WWOX: variants seen among roughly 807,000 people sequenced by gnomAD.
WWOX encodes the protein WW domain-containing oxidoreductase.
In WWOX, 69 loss-of-function variants were observed where a neutral mutation model predicts 46.2. The ratio of observed to expected loss-of-function variants is 1.49; its 90% CI spans 1.23 to 1.82. The LOEUF is 1.82. Ranked by LOEUF, WWOX falls within the 40% of genes most tolerant of loss-of-function variation. WWOX has a pLI of 0.00. For synonymous variants in WWOX, 359 were observed against 202.6 expected (o/e 1.77, Z -6.56); for missense variants, 919 against 542.6 (o/e 1.69, Z -6.89).
At chr16:78,966,306 T>C (rs1169672941) in intron 8 of WWOX, among the ~76,000 whole-genome samples, 2 of 152,176 alleles carry the variant, frequency 1.3e-5, no homozygotes, top group African/African-American at 4.8e-5. Context: ...CTGTTTCAGA[T>C]GGAACCAAAT....
intron 5 of WWOX, among the ~76,000 whole-genome samples, chr16:78,310,750 C>G (rs1223633391): frequency 1.3e-5 from 2 of 152,220 alleles, no homozygotes; most frequent in African/African-American, 4.8e-5. Flanking sequence ...GAGTTTTACT[C>G]ACCTTTGCTT....
chr16:78,319,678 G>A (rs2080425310), intron 5 of WWOX, among the ~76,000 whole-genome samples: 1 of 152,100 alleles, frequency 6.6e-6, no homozygotes. Flanking sequence ...AAAAATAAAC[G>A]TTCTATGCCA....
At chr16:78,330,957 T>TA (rs1265724769) in intron 5 of WWOX, among the ~76,000 whole-genome samples, 2 of 152,228 alleles carry the variant, frequency 1.3e-5, no homozygotes, top group Non-Finnish European at 2.9e-5. Flanking sequence ...ACAAATAATC[T>TA]AGTCTTTTCT....
intron 8 of WWOX, among the ~76,000 whole-genome samples, chr16:78,889,391 C>T (rs1390710579): frequency 8.0e-6 from 1 of 125,454 alleles, no homozygotes; most frequent in Non-Finnish European, 1.6e-5. Flanking sequence ...CAGCCTAAAC[C>T]CTGCAAACTG....
intron 8 of WWOX, among the ~76,000 whole-genome samples, chr16:78,567,029 G>C (rs2044586061): frequency 1.3e-5 from 2 of 151,796 alleles, no homozygotes; most frequent in Admixed American, 6.6e-5. Flanking sequence ...TGAGGCTGAA[G>C]TCATACATTC....
intron 8 of WWOX, among the ~76,000 whole-genome samples, chr16:79,046,408 A>G (rs1238799883): frequency 6.6e-6 from 1 of 152,104 alleles, no homozygotes; most frequent in Non-Finnish European, 1.5e-5. Context: ...CAAAAGTATC[A>G]CAGACTGGAT....
At chr16:78,974,608 C>G (rs1338346581) in intron 8 of WWOX, among the ~76,000 whole-genome samples, 1 of 152,162 alleles carries the variant, frequency 6.6e-6, no homozygotes, top group African/African-American at 2.4e-5. Context: ...TTATTTAGCA[C>G]AAACCTAAAT....
intron 8 of WWOX, among the ~76,000 whole-genome samples, chr16:78,528,984 G>A (rs2043553707): frequency 6.8e-6 from 1 of 146,236 alleles, no homozygotes; most frequent in Admixed American, 6.9e-5. Context: ...GGGAGGGTCT[G>A]GCTGTATTGC....
intron 8 of WWOX, among the ~76,000 whole-genome samples, chr16:79,020,350 A>T (rs766712337): frequency 2.5e-4 from 38 of 152,206 alleles, no homozygotes; most frequent in Non-Finnish European, 4.6e-4. Context: ...TCTTAAGTCC[A>T]ACCAGTGGTT....
At chr16:78,240,707 G>GAA (rs2037614658) in intron 5 of WWOX, among the ~76,000 whole-genome samples, 3 of 152,134 alleles carry the variant, frequency 2.0e-5, no homozygotes, top group African/African-American at 7.2e-5. Flanking sequence ...CAGCCGTCTC[G>GAA]TGTTATGCAT....
At chr16:78,513,826 G>A (rs140062849) in intron 8 of WWOX, among the ~76,000 whole-genome samples, 1,749 of 151,862 alleles carry the variant, frequency 0.012, 32 homozygotes, top group Middle Eastern at 0.041. Context: ...TACACGTCTT[G>A]GAATCAACCT....
intron 5 of WWOX, among the ~76,000 whole-genome samples, chr16:78,307,610 G>T (rs1479218435): frequency 1.3e-5 from 2 of 152,182 alleles, no homozygotes; most frequent in Non-Finnish European, 2.9e-5. Context: ...ACCCAGTGAG[G>T]TTGATTTTGG....
intron 8 of WWOX, among the ~76,000 whole-genome samples, chr16:78,925,748 G>T (rs1274262962): frequency 6.6e-6 from 1 of 152,174 alleles, no homozygotes; most frequent in Non-Finnish European, 1.5e-5. Context: ...TCTCTCTAAG[G>T]GTGAAGATGC....
intron 5 of WWOX, among the ~76,000 whole-genome samples, chr16:78,179,219 T>C (rs16947234): frequency 0.15 from 22,543 of 152,278 alleles, 2,030 homozygotes; most frequent in East Asian, 0.23. Flanking sequence ...TAGCCTTTGC[T>C]TTGCAGGGAC....
At chr16:78,872,501 G>C (rs1054400671) in intron 8 of WWOX, among the ~76,000 whole-genome samples, 2 of 152,174 alleles carry the variant, frequency 1.3e-5, no homozygotes, top group African/African-American at 4.8e-5. Flanking sequence ...GTGTCACACA[G>C]GCCTGGCATC....
chr16:78,427,782 ATAAAAAT>A (rs1473892404), intron 7 of WWOX, among the ~76,000 whole-genome samples: 1 of 151,988 alleles, frequency 6.6e-6, no homozygotes, highest in Non-Finnish European at 1.5e-5. Flanking sequence ...CATCTCTAAA[ATAAAAAT>A]TAAAAATTGT....
chr16:78,365,240 C>G (rs1379809260), intron 5 of WWOX, among the ~76,000 whole-genome samples: 2 of 152,166 alleles, frequency 1.3e-5, no homozygotes, highest in African/African-American at 2.4e-5. Flanking sequence ...CACCTTCTGA[C>G]ATTATCAGTG....
chr16:78,769,007 T>G (rs979908376), intron 8 of WWOX, among the ~76,000 whole-genome samples: 6 of 152,152 alleles, frequency 3.9e-5, no homozygotes, highest in Non-Finnish European at 5.9e-5. Context: ...CTTTCCTTTT[T>G]CAGTCTCTGG....
At chr16:78,297,149 T>C (rs980382097) in intron 5 of WWOX, among the ~76,000 whole-genome samples, 3 of 152,134 alleles carry the variant, frequency 2.0e-5, no homozygotes, top group African/African-American at 4.8e-5. Flanking sequence ...TGGGGAGTCA[T>C]TGACACCCAC....
Sources: gnomAD v4.1 joint callset for allele counts (sites outside exome capture counted in the v4.1 genomes callset) on GRCh38, gnomAD v4.1.1 for gene constraint, MANE v1.5 for transcripts, NCBI Gene and HGNC (gene_info 2026-07-23, HGNC 2026-07-21) for gene names.